Variants in PARD3 observed in about 807,000 individuals in gnomAD.
The protein encoded by PARD3 is par-3 family cell polarity regulator.
A neutral mutation model predicts 155.4 loss-of-function variants in PARD3; 75 were observed. That is an observed-to-expected ratio of 0.48 (90% confidence interval 0.40 to 0.58). PARD3 has a LOEUF of 0.58. Ranked by LOEUF, PARD3 falls within the 20% of genes least tolerant of loss-of-function variation. PARD3 has a pLI of 0.00. For missense variants in PARD3, 1,642 were observed against 1,721.7 expected, an observed-to-expected ratio of 0.95 and a Z score of 0.82; for synonymous variants, 576 against 610.5, an observed-to-expected ratio of 0.94 and a Z score of 0.83.
intron 1 of PARD3, among the ~76,000 whole-genome samples, chr10:34,779,985 G>A (rs1840060874): frequency 6.6e-6 from 1 of 152,116 alleles, no homozygotes; most frequent in Non-Finnish European, 1.5e-5. Context: ...GCCACCGAGT[G>A]GCACCTGAAA....
chr10:34,284,618 AG>A (rs1012023838), intron 20 of PARD3, among the ~76,000 whole-genome samples: 1 of 152,202 alleles, frequency 6.6e-6, no homozygotes, highest in African/African-American at 2.4e-5. Context: ...GGTTTTTCTT[AG>A]GACTAAAGAA....
intron 2 of PARD3, among the ~76,000 whole-genome samples, chr10:34,569,610 G>A (rs1308076634): frequency 1.3e-5 from 2 of 151,844 alleles, no homozygotes; most frequent in Non-Finnish European, 1.5e-5. Flanking sequence ...GTAGAGACGG[G>A]GTTTCACCGT....
chr10:34,130,770 G>T (rs1947563334), intron 23 of PARD3, among the ~76,000 whole-genome samples: 1 of 152,172 alleles, frequency 6.6e-6, no homozygotes, highest in Non-Finnish European at 1.5e-5. Context: ...AAAGAATCAA[G>T]AATTACTAGA....
At chr10:34,349,873 CA>C (rs978512476) in intron 14 of PARD3, among the ~76,000 whole-genome samples, 1 of 152,034 alleles carries the variant, frequency 6.6e-6, no homozygotes, top group African/African-American at 2.4e-5. Context: ...CTAAATATCC[CA>C]AAAGGCTATT....
At chr10:34,281,524 T>C (rs1361937046) in intron 21 of PARD3, among the ~76,000 whole-genome samples, 1 of 152,074 alleles carries the variant, frequency 6.6e-6, no homozygotes, top group African/African-American at 2.4e-5. Context: ...TCCTAGTCCA[T>C]TTCTCCCATA....
At chr10:34,272,724 TCAAA>T (rs1372416261) in intron 21 of PARD3, among the ~76,000 whole-genome samples, 5 of 151,966 alleles carry the variant, frequency 3.3e-5, no homozygotes, top group African/African-American at 7.3e-5. Context: ...AGATCCTGAC[TCAAA>T]CAAACAAACA....
chr10:34,703,945 C>T (rs549159198), intron 1 of PARD3, among the ~76,000 whole-genome samples: 3 of 152,236 alleles, frequency 2.0e-5, no homozygotes, highest in Admixed American at 2.0e-4. Flanking sequence ...AAAACATTAC[C>T]CCTTTGTAAG....
chr10:34,309,908 A>AC (rs1957616142), intron 20 of PARD3, among the ~76,000 whole-genome samples: 3 of 151,632 alleles, frequency 2.0e-5, no homozygotes. Context: ...AAAAAAAAAA[A>AC]AAAAAACTGC....
At chr10:34,123,423 CCA>C (rs1484643517) in intron 23 of PARD3, among the ~76,000 whole-genome samples, 3 of 151,878 alleles carry the variant, frequency 2.0e-5, no homozygotes, top group Non-Finnish European at 2.9e-5. Context: ...AAAATATTTT[CCA>C]CAGTTTTTTT....
chr10:34,131,663 CT>C (rs1947620531), intron 22 of PARD3, 80 bp from the exon 23 acceptor site: 1 of 1,277,804 alleles, frequency 7.8e-7, no homozygotes, highest in Admixed American at 1.8e-5. Flanking sequence ...AACATGGCAA[CT>C]TGCTGTGAAA....
intron 2 of PARD3, among the ~76,000 whole-genome samples, chr10:34,550,219 T>G (rs1264341493): frequency 7.2e-5 from 11 of 152,212 alleles, no homozygotes; most frequent in Non-Finnish European, 1.5e-5. Context: ...CACTGCCATG[T>G]GCCCTCCACC....
At chr10:34,812,024 A>C (rs1335640998) in intron 1 of PARD3, among the ~76,000 whole-genome samples, 1 of 152,226 alleles carries the variant, frequency 6.6e-6, no homozygotes. Context: ...GGAGAGGAAA[A>C]AAGAAATGTC....
intron 1 of PARD3, among the ~76,000 whole-genome samples, chr10:34,703,248 G>A (rs2094311158): frequency 2.0e-5 from 3 of 151,726 alleles, no homozygotes; most frequent in Admixed American, 2.0e-4. Context: ...AATAAGTCAG[G>A]TGTGGTGGCA....
intron 1 of PARD3, among the ~76,000 whole-genome samples, chr10:34,713,033 A>AC (rs1181797572): frequency 6.6e-6 from 1 of 152,042 alleles, no homozygotes; most frequent in African/African-American, 2.4e-5. Flanking sequence ...ACATGGTGAA[A>AC]CCCCGTCTCT....
chr10:34,616,610 A>G (rs561616995), intron 2 of PARD3, among the ~76,000 whole-genome samples: 1 of 152,284 alleles, frequency 6.6e-6, no homozygotes, highest in South Asian at 2.1e-4. Context: ...AGAAAGATAA[A>G]TACAGCATGT....
chr10:34,731,189 T>A (rs914117870), intron 1 of PARD3, among the ~76,000 whole-genome samples: 1 of 152,204 alleles, frequency 6.6e-6, no homozygotes, highest in Non-Finnish European at 1.5e-5. Context: ...AAATATAAAA[T>A]TAAGACATCT....
intron 23 of PARD3, among the ~76,000 whole-genome samples, chr10:34,120,035 G>A (rs1258089201): frequency 1.9e-5 from 1 of 53,950 alleles, no homozygotes; most frequent in African/African-American, 8.8e-5. Context: ...TTTTTTTTTA[G>A]AGATGGGATC....
intron 2 of PARD3, among the ~76,000 whole-genome samples, chr10:34,685,973 C>G (rs949688386): frequency 5.3e-5 from 8 of 152,146 alleles, no homozygotes; most frequent in Admixed American, 1.3e-4. Context: ...TTTCTGGGAT[C>G]CCCACCCTGC....
chr10:34,405,933 C>G lies in PARD3; in HGVS notation c.715-4016G>C, dbSNP rs140859129. ...CAGAGGAGATCTTATACCTATCTTG[C>G]TCTACAAACATCCTTGAAAAGATTG... On this transcript the variant is annotated intron_variant, in intron 5 of 24. Coordinates refer to ENST00000374788, the MANE Select transcript of PARD3 (RefSeq NM_001184785.2). Among the ~76,000 whole-genome samples, 663 of 152,270 alleles carry G rather than the reference C, an allele frequency of 4.4e-3. 4 individuals carry two copies. The highest frequency in any genetic ancestry group is 0.015 in the African/African-American group (633 of 41,552).
Sources: gnomAD v4.1 joint callset for allele counts (sites outside exome capture counted in the v4.1 genomes callset) on GRCh38, gnomAD v4.1.1 for gene constraint, MANE v1.5 for transcripts, NCBI Gene and HGNC (gene_info 2026-07-23, HGNC 2026-07-21) for gene names.